The following GRM8 variants were observed in gnomAD, a reference collection of about 807,000 sequenced individuals.
GRM8 encodes the protein glutamate metabotropic receptor 8.
GRM8 carries 47 observed loss-of-function variants against 87.2 expected under a neutral mutation model. The observed-to-expected ratio is 0.54, with a 90% CI of 0.43 to 0.69. The LOEUF (loss-of-function observed/expected upper bound fraction) is 0.69, where lower values mean the gene tolerates loss of function less well. GRM8 is among the 30% of genes least tolerant of loss of function. The pLI, the probability that GRM8 is intolerant of heterozygous loss-of-function variation, is 0.00. For synonymous variants in GRM8, 396 were observed against 404.5 expected (o/e 0.98, Z 0.25); for missense variants, 1,019 against 1,139.2 (o/e 0.89, Z 1.52).
intron 7 of GRM8, among the ~76,000 whole-genome samples, chr7:126,684,434 C>G (rs1381679092): frequency 6.6e-6 from 1 of 152,150 alleles, no homozygotes; most frequent in Non-Finnish European, 1.5e-5. Flanking sequence ...GGGGGAGTGG[C>G]AGAGCTCTGC....
intron 9 of GRM8, among the ~76,000 whole-genome samples, chr7:126,499,973 G>A (rs1809395399): frequency 6.6e-6 from 1 of 151,842 alleles, no homozygotes; most frequent in African/African-American, 2.4e-5. Context: ...TATGGGGCGT[G>A]ATGTTTTGAT....
chr7:126,535,984 C>T (rs1815654010), intron 8 of GRM8, among the ~76,000 whole-genome samples: 2 of 152,156 alleles, frequency 1.3e-5, no homozygotes, highest in South Asian at 2.1e-4. Flanking sequence ...CTAACCTGTT[C>T]CTGAATTTCT....
At chr7:126,688,638 G>T (rs1216423660) in intron 7 of GRM8, among the ~76,000 whole-genome samples, 1 of 151,938 alleles carries the variant, frequency 6.6e-6, no homozygotes, top group Non-Finnish European at 1.5e-5. Context: ...CAGAAGTTTG[G>T]CAAGTATTAT....
chr7:126,803,871 T>A (rs1792369823), intron 6 of GRM8, among the ~76,000 whole-genome samples: 1 of 152,226 alleles, frequency 6.6e-6, no homozygotes, highest in Admixed American at 6.5e-5. Flanking sequence ...AAATGAGAGA[T>A]CATGTGTTTA....
intron 10 of GRM8, among the ~76,000 whole-genome samples, chr7:126,441,302 C>T (rs1212750595): frequency 6.6e-6 from 1 of 151,992 alleles, no homozygotes. Context: ...AAAATAAAGA[C>T]TCAAATAAAG....
chr7:127,058,251 T>C (rs1044639996), intron 3 of GRM8: 2 of 426,644 alleles, frequency 4.7e-6, no homozygotes, highest in African/African-American at 2.1e-5. Context: ...AGCTTTAAAG[T>C]TTCTCTTTGT....
chr7:126,537,167 A>C (rs1815883331), intron 8 of GRM8, among the ~76,000 whole-genome samples: 1 of 152,220 alleles, frequency 6.6e-6, no homozygotes, highest in Non-Finnish European at 1.5e-5. Flanking sequence ...TTTAACAGCT[A>C]TGAATTTTCT....
At chr7:126,539,049 C>G (rs893926245) in intron 8 of GRM8, among the ~76,000 whole-genome samples, 8 of 151,878 alleles carry the variant, frequency 5.3e-5, no homozygotes, top group African/African-American at 1.4e-4. Context: ...TTTGAAAAAT[C>G]TAATATGCTT....
intron 2 of GRM8, among the ~76,000 whole-genome samples, chr7:127,109,974 C>T (rs543054635): frequency 5.9e-5 from 9 of 152,202 alleles, no homozygotes; most frequent in African/African-American, 1.4e-4. Context: ...GAGTTTGTCC[C>T]GGAGGCACTA....
chr7:126,785,938 T>C (rs1180726054), intron 6 of GRM8, among the ~76,000 whole-genome samples: 1 of 152,168 alleles, frequency 6.6e-6, no homozygotes, highest in Non-Finnish European at 1.5e-5. Context: ...TATGATCTCC[T>C]TGTGTCTAAA....
At chr7:127,091,186 C>T (rs150326702) in intron 3 of GRM8, among the ~76,000 whole-genome samples, 10 of 152,182 alleles carry the variant, frequency 6.6e-5, no homozygotes, top group Middle Eastern at 3.4e-3. Flanking sequence ...TGGCCCCAAG[C>T]CTGAGAAAGC....
At chr7:126,813,105 C>T (rs186831112) in intron 6 of GRM8, among the ~76,000 whole-genome samples, 2 of 152,094 alleles carry the variant, frequency 1.3e-5, no homozygotes, top group East Asian at 3.9e-4. Context: ...GTACAACAAA[C>T]CCCTATGACC....
intron 2 of GRM8, among the ~76,000 whole-genome samples, chr7:127,161,273 A>G (rs1385036550): frequency 6.6e-6 from 1 of 152,174 alleles, no homozygotes; most frequent in Non-Finnish European, 1.5e-5. Context: ...AAAGAAGGAA[A>G]AGAGGAGGGA....
chr7:126,638,819 A>G (rs1326715875), intron 7 of GRM8, among the ~76,000 whole-genome samples: 1 of 152,214 alleles, frequency 6.6e-6, no homozygotes, highest in African/African-American at 2.4e-5. Flanking sequence ...CTCCCTGAAT[A>G]TACTATACCA....
intron 7 of GRM8, among the ~76,000 whole-genome samples, chr7:126,768,938 A>ACAAAAAAAAAAT (rs1554485650): frequency 8.8e-5 from 13 of 148,044 alleles, no homozygotes; most frequent in Non-Finnish European, 1.0e-4. Context: ...AAAAAAAAAA[A>ACAAAAAAAAAAT]AAATAAAGAA....
chr7:126,871,680 C>T (rs571155474), intron 6 of GRM8, among the ~76,000 whole-genome samples: 1 of 152,152 alleles, frequency 6.6e-6, no homozygotes, highest in Admixed American at 6.5e-5. Context: ...GTCAATTTTA[C>T]AACATCTTGT....
chr7:126,553,123 T>C (rs1157709450), intron 8 of GRM8, among the ~76,000 whole-genome samples: 1 of 152,158 alleles, frequency 6.6e-6, no homozygotes, highest in African/African-American at 2.4e-5. Context: ...CCTAACACCA[T>C]AGCTGCTGCT....
At chr7:127,065,932 A>G (rs1474052220) in intron 3 of GRM8, among the ~76,000 whole-genome samples, 2 of 152,260 alleles carry the variant, frequency 1.3e-5, no homozygotes, top group East Asian at 3.8e-4. Flanking sequence ...CTTACTCAAA[A>G]ACTGATCTTC....
intron 7 of GRM8, among the ~76,000 whole-genome samples, chr7:126,736,575 C>T (rs1412156299): frequency 6.6e-6 from 1 of 152,012 alleles, no homozygotes; most frequent in African/African-American, 2.4e-5. Context: ...CCTCTCCTTA[C>T]ATTTAGGCAA....
Sources: gnomAD v4.1 joint callset for allele counts (sites outside exome capture counted in the v4.1 genomes callset) on GRCh38, gnomAD v4.1.1 for gene constraint, MANE v1.5 for transcripts, NCBI Gene and HGNC (gene_info 2026-07-23, HGNC 2026-07-21) for gene names.